The following PLCG2 variants were observed in gnomAD, a reference collection of about 807,000 sequenced individuals.
The protein encoded by PLCG2 is 1-phosphatidylinositol 4,5-bisphosphate phosphodiesterase gamma-2.
PLCG2 carries 69 observed loss-of-function variants against 175.6 expected under a neutral mutation model. That is an observed-to-expected ratio of 0.39 (90% CI 0.32 to 0.48). PLCG2 has a LOEUF of 0.48. PLCG2 is among the 20% of genes least tolerant of loss of function. The pLI is 0.91. For missense variants in PLCG2, 1,798 were observed against 1,650.9 expected (o/e 1.09, Z -1.54); for synonymous variants, 827 against 624.0 (o/e 1.33, Z -4.85).
At chr16:81,906,620 C>T (rs1011369524) in intron 15 of PLCG2, among the ~76,000 whole-genome samples, 6 of 152,152 alleles carry the variant, frequency 3.9e-5, no homozygotes, top group South Asian at 2.1e-4. Flanking sequence ...GATAGTGTTT[C>T]GCCATGTTGG....
chr16:81,787,298 T>G (rs1911014616), intron 2 of PLCG2, among the ~76,000 whole-genome samples: 1 of 152,072 alleles, frequency 6.6e-6, no homozygotes, highest in African/African-American at 2.4e-5. Context: ...CATGGCTCAC[T>G]GCAGCCTCAG....
chr16:81,774,773 C>G (rs969656128), upstream of PLCG2, among the ~76,000 whole-genome samples: 1 of 151,116 alleles, frequency 6.6e-6, no homozygotes, highest in Non-Finnish European at 1.5e-5. Flanking sequence ...GGGTCTTACT[C>G]TGTTGCCCAG....
chr16:81,742,076 C>T (rs374494283), intron 1 of PLCG2, among the ~76,000 whole-genome samples: 6 of 144,812 alleles, frequency 4.1e-5, no homozygotes, highest in Admixed American at 2.2e-4. Flanking sequence ...AAATTCTACT[C>T]GCTTCCTCCA....
At chr16:81,767,589 TA>T (rs1363660321) in intron 2 of PLCG2, 2 of 152,222 alleles carry the variant, frequency 1.3e-5, no homozygotes, top group African/African-American at 4.8e-5. Flanking sequence ...TTTTTTTCTT[TA>T]AAAAATATTA....
chr16:81,916,866 G>T (rs886997188), intron 19 of PLCG2, among the ~76,000 whole-genome samples: 3 of 152,110 alleles, frequency 2.0e-5, no homozygotes, highest in African/African-American at 7.2e-5. Flanking sequence ...TCGAACTGCT[G>T]ACCTCTGGTG....
rs374331040 is a variant in PLCG2, at chr16:81,900,587, G to C, written c.1194-25G>C. 5 of 1,572,564 alleles carry C rather than the reference G, an allele frequency of 3.2e-6. No individual in the cohort carries two copies. In the African/African-American group the frequency reaches 6.7e-5, roughly 21 times the overall value. Reference sequence around the variant, plus strand: ...CAGAGGTGTGTGCTCCCCCTGCCGAGCTGCCCACCCTCTTCTGCCTGCAGC... The same window carrying C: ...CAGAGGTGTGTGCTCCCCCTGCCGACCTGCCCACCCTCTTCTGCCTGCAGC... On this transcript the variant is annotated intron_variant, in intron 13 of 32. Coordinates refer to ENST00000564138, the MANE Select transcript of PLCG2 (RefSeq NM_002661.5).
At chr16:81,867,435 C>T (rs1306076078) in intron 5 of PLCG2, among the ~76,000 whole-genome samples, 1 of 152,196 alleles carries the variant, frequency 6.6e-6, no homozygotes, top group Non-Finnish European at 1.5e-5. Context: ...ATTATGGGCA[C>T]ACTGGGTTGG....
chr16:81,927,824 G>C (rs116356173), intron 23 of PLCG2, among the ~76,000 whole-genome samples: 1 of 152,178 alleles, frequency 6.6e-6, no homozygotes, highest in Non-Finnish European at 1.5e-5. Context: ...ACTGGCAGAA[G>C]AGAGGTGCAA....
chr16:81,885,924 T>A (rs4133124), intron 9 of PLCG2, among the ~76,000 whole-genome samples: 1 of 151,964 alleles, frequency 6.6e-6, no homozygotes, highest in Admixed American at 6.6e-5. Flanking sequence ...TTGCCCAACC[T>A]GAGACTAAGT....
intron 13 of PLCG2, chr16:81,898,607 A>G (rs1010514310): frequency 5.3e-5 from 8 of 152,110 alleles, no homozygotes; most frequent in African/African-American, 1.9e-4. Flanking sequence ...TGGAAGTGAC[A>G]TAGCTGCCTT....
intron 31 of PLCG2, among the ~76,000 whole-genome samples, chr16:81,952,282 C>G (rs977128053): frequency 6.6e-6 from 1 of 151,922 alleles, no homozygotes; most frequent in Non-Finnish European, 1.5e-5. Context: ...TATATTCACA[C>G]GTAGATGAAT....
chr16:81,771,034 G>C (rs1344556235), intron 2 of PLCG2, among the ~76,000 whole-genome samples: 1 of 147,164 alleles, frequency 6.8e-6, no homozygotes, highest in Non-Finnish European at 1.5e-5. Flanking sequence ...CTCCAGCCTT[G>C]GTGACAGAGC....
intron 2 of PLCG2, among the ~76,000 whole-genome samples, chr16:81,793,607 G>A (rs969505128): frequency 7.9e-5 from 12 of 152,320 alleles, no homozygotes; most frequent in African/African-American, 2.4e-4. Flanking sequence ...CTGCCCATGA[G>A]TGACGGATTC....
intron 5 of PLCG2, among the ~76,000 whole-genome samples, chr16:81,864,889 G>A (rs1394136290): frequency 2.6e-5 from 4 of 152,172 alleles, no homozygotes; most frequent in Non-Finnish European, 5.9e-5. Context: ...AGAGGGAGGG[G>A]CTGTTGGTAA....
At chr16:81,783,803 A>C (rs951206810) in intron 1 of PLCG2, among the ~76,000 whole-genome samples, 11 of 151,260 alleles carry the variant, frequency 7.3e-5, no homozygotes, top group African/African-American at 2.4e-4. Flanking sequence ...TCTCCTGATA[A>C]GGTAAGATGC....
chr16:81,952,978 G>T (rs11150426), intron 31 of PLCG2, among the ~76,000 whole-genome samples: 2 of 152,048 alleles, frequency 1.3e-5, no homozygotes, highest in Non-Finnish European at 2.9e-5. Context: ...CCTGGAATAA[G>T]GCAGGTTGAA....
intron 2 of PLCG2, among the ~76,000 whole-genome samples, chr16:81,826,055 G>T (rs562939099): frequency 8.5e-5 from 13 of 152,248 alleles, no homozygotes; most frequent in African/African-American, 3.1e-4. Context: ...CAAACTCAAC[G>T]TGTCCAAAAT....
chr16:81,789,704 G>T (rs1486721347), intron 2 of PLCG2, among the ~76,000 whole-genome samples: 1 of 152,132 alleles, frequency 6.6e-6, no homozygotes, highest in African/African-American at 2.4e-5. Context: ...ATTATAATAA[G>T]TCCCCCGGAT....
intron 1 of PLCG2, among the ~76,000 whole-genome samples, chr16:81,739,962 AC>A (rs1909548476): frequency 1.3e-5 from 2 of 149,872 alleles, no homozygotes. Flanking sequence ...AGATAGTGAA[AC>A]CCTGTCTCTA....
Sources: allele counts gnomAD v4.1 joint callset (sites outside exome capture counted in the v4.1 genomes callset), GRCh38; gene constraint gnomAD v4.1.1; transcripts MANE v1.5; gene names NCBI Gene and HGNC (gene_info 2026-07-23, HGNC 2026-07-21).